Variants in PIAS1 observed in about 807,000 individuals in gnomAD.
PIAS1 encodes the protein protein inhibitor of activated STAT 1, also known as E3 SUMO-protein ligase PIAS1.
Under a neutral mutation model 71.3 loss-of-function variants are expected in PIAS1, and 6 were observed. The ratio of observed to expected loss-of-function variants is 0.08; its 90% CI spans 0.05 to 0.17. The LOEUF (loss-of-function observed/expected upper bound fraction) is 0.17, where lower values mean the gene tolerates loss of function less well. PIAS1 is among the 10% of genes least tolerant of loss of function. PIAS1 has a pLI of 1.00. For missense variants in PIAS1, 555 were observed against 793.6 expected, an observed-to-expected ratio of 0.70 and a Z score of 3.61; for synonymous variants, 303 against 292.9, an observed-to-expected ratio of 1.03 and a Z score of -0.35.
At chr15:68,102,249 T>C (rs770872360) in intron 2 of PIAS1, among the ~76,000 whole-genome samples, 11 of 152,232 alleles carry the variant, frequency 7.2e-5, no homozygotes, top group Non-Finnish European at 1.5e-4. Context: ...TTTGCATCTT[T>C]ATCAACAATC....
chr15:68,141,811 G>A, intron 2 of PIAS1, 135 bp from the exon 3 acceptor site: 1 of 574,474 alleles, frequency 1.7e-6, no homozygotes, highest in Non-Finnish European at 3.1e-6. Flanking sequence ...TTATTTTTCA[G>A]TGCTTTAATT....
chr15:68,119,658 G>A (rs1159511050), intron 2 of PIAS1, among the ~76,000 whole-genome samples: 1 of 152,182 alleles, frequency 6.6e-6, no homozygotes, highest in Non-Finnish European at 1.5e-5. Context: ...GTTGAGTGGA[G>A]TGTTCTATAA....
Position 68,167,245 on chromosome 15 carries a change from A to G in PIAS1, c.1008+2441A>G, listed in dbSNP as rs2092963469. ...TAAAATGTATAATTATAATACTTTCATGGGTTTCTATTTGGCTAAAGGGAT... is the reference window on the plus strand; with the variant it reads ...TAAAATGTATAATTATAATACTTTCGTGGGTTTCTATTTGGCTAAAGGGAT... On this transcript the variant is annotated intron_variant, in intron 8 of 13. Coordinates refer to ENST00000249636, the MANE Select transcript of PIAS1 (RefSeq NM_016166.3). This position sits in a 1 kb window ranked among gnomAD's most constrained non-coding sequence, Gnocchi z 4.4. Among the ~76,000 whole-genome samples, 1 of 152,036 alleles carries G rather than the reference A, an allele frequency of 6.6e-6. No homozygotes were observed. Among genetic ancestry groups the G allele is most frequent in the Non-Finnish European group, 1.5e-5 (1 of 68,006 alleles).
chr15:68,115,228 G>C (rs936940952), intron 2 of PIAS1, among the ~76,000 whole-genome samples: 3 of 152,104 alleles, frequency 2.0e-5, no homozygotes, highest in African/African-American at 7.2e-5. Context: ...TATGTTTTCA[G>C]CTCCTTTAGG....
At chr15:68,131,108 T>A (rs1471787999) in intron 2 of PIAS1, among the ~76,000 whole-genome samples, 1 of 152,176 alleles carries the variant, frequency 6.6e-6, no homozygotes, top group African/African-American at 2.4e-5. Context: ...ACTCCAAGAA[T>A]CCATTAGCTT....
chr15:68,127,065 G>T (rs975960779), intron 2 of PIAS1, among the ~76,000 whole-genome samples: 13 of 152,114 alleles, frequency 8.5e-5, no homozygotes, highest in African/African-American at 2.4e-4. Context: ...CGAGTAGCTG[G>T]GACTACAGGC....
At position 68,080,046 on chromosome 15, in the gene PIAS1, G is replaced by A. The variant is rs572505880; in HGVS notation, c.25-6260G>A. ...GGGGTTTCACCATGTTGGTCAGGCT[G>A]GTCTCAAACTCCTGACCTCAAGTGG... On this transcript the variant is annotated intron_variant, in intron 1 of 13. Coordinates refer to ENST00000249636, the MANE Select transcript of PIAS1 (RefSeq NM_016166.3). 5.3e-5 allele frequency among the ~76,000 whole-genome samples: 8 copies of A among 152,128 alleles called. No individual in the cohort carries two copies. In the East Asian group the frequency reaches 1.5e-3, roughly 29 times the overall value.
chr15:68,062,309 G>A (rs2091968558), intron 1 of PIAS1, among the ~76,000 whole-genome samples: 1 of 152,142 alleles, frequency 6.6e-6, no homozygotes, highest in African/African-American at 2.4e-5. Flanking sequence ...AATCATTTTG[G>A]TGTATATCTG....
rs977154635 is a variant in PIAS1, at chr15:68,185,545, C to T, written c.1662+1878C>T. On this transcript the variant is annotated intron_variant, in intron 13 of 13. Transcript: ENST00000249636. This position sits in a 1 kb window ranked among gnomAD's most constrained non-coding sequence, Gnocchi z 4.4. ...TTGGAACTGGAACAGGAACACGCAG[C>T]TGAAGAAGGTGCAAGAGAAAAGGAA... Among the ~76,000 whole-genome samples, 22 of 152,138 alleles carry T rather than the reference C, an allele frequency of 1.4e-4. No homozygotes were observed. The highest frequency in any genetic ancestry group is 5.3e-4 in the African/African-American group (22 of 41,416).
At chr15:68,074,767 T>G (rs1281976389) in intron 1 of PIAS1, among the ~76,000 whole-genome samples, 2 of 152,156 alleles carry the variant, frequency 1.3e-5, no homozygotes, top group Admixed American at 1.3e-4. Context: ...GAGTAAGTTG[T>G]AGATAGATAA....
At chr15:68,183,754 G>GC (rs2093070499) in intron 13 of PIAS1, 87 bp downstream of exon 13, 1 of 598,610 alleles carries the variant, frequency 1.7e-6, no homozygotes, top group African/African-American at 1.9e-5. Context: ...TCAATGACAG[G>GC]CCATATATGC....
At chr15:68,132,035 T>TAAAAA (rs35523127) in intron 2 of PIAS1, among the ~76,000 whole-genome samples, 1 of 118,620 alleles carries the variant, frequency 8.4e-6, no homozygotes. Flanking sequence ...AAACCTCCTC[T>TAAAAA]AAAAAAAAAA....
Position 68,080,323 on chromosome 15 carries a change from A to C in PIAS1, c.25-5983A>C, listed in dbSNP as rs1361354306. Among the ~76,000 whole-genome samples, 3 of 152,186 alleles carry C rather than the reference A, an allele frequency of 2.0e-5. No individual in the cohort carries two copies. In the East Asian group the frequency reaches 5.8e-4, roughly 29 times the overall value. ...AGAATGGGATCTCTATTTATGTATA[A>C]TTGCAATATTTTGTCATTTTGTGGG... On this transcript the variant is annotated intron_variant, in intron 1 of 13. Transcript: ENST00000249636.
chr15:68,130,811 A>T (rs1163792958), intron 2 of PIAS1, among the ~76,000 whole-genome samples: 2 of 152,174 alleles, frequency 1.3e-5, no homozygotes, highest in African/African-American at 4.8e-5. Flanking sequence ...TAAAACCTTG[A>T]TAGAGATATA....
intron 2 of PIAS1, among the ~76,000 whole-genome samples, chr15:68,133,299 A>T (rs1448465986): frequency 6.6e-6 from 1 of 152,176 alleles, no homozygotes; most frequent in Admixed American, 6.5e-5. Flanking sequence ...CAGGTGCAAT[A>T]GTCCAAGACA....
chr15:68,146,649 C>T lies in PIAS1; in HGVS notation c.777C>T (p.Ser259=), dbSNP rs369343686. The part of the protein sequence containing the change: ...PINITSLVRL[S]TTVPNTIVVS... ...ATATCACCTCACTTGTCCGACTGTC[C>T]ACAACAGTACCAAACACGATTGTTG... The change falls in exon 6 of 14, where the codon TCC becomes TCT. Residue 259 remains serine (S), a synonymous_variant. Transcript: ENST00000249636. 18 of 1,612,902 alleles carry T rather than the reference C, an allele frequency of 1.1e-5. No individual in the cohort carries two copies. Among genetic ancestry groups the T allele is most frequent in the Non-Finnish European group, 1.4e-5 (17 of 1,179,172 alleles).
intron 2 of PIAS1, among the ~76,000 whole-genome samples, chr15:68,106,336 T>C (rs1489877101): frequency 2.9e-5 from 3 of 102,852 alleles, no homozygotes; most frequent in Non-Finnish European, 5.4e-5. Context: ...GTGCTCATGA[T>C]GAAAATGACC....
In PIAS1 at chr15:68,175,811, T is replaced by C. The variant is rs538245781; in HGVS notation, c.1300+44T>C. On this transcript the variant is annotated intron_variant, in intron 10 of 13. Transcript: ENST00000249636. The stretch of plus-strand genomic sequence containing the variant: ...GGAAGAGGCAGTCTCCCTACTGCTC[T>C]AAGTCTGGTTTTCAATATTAAAATC... The C allele has an allele frequency of 2.9e-6, 4 of 1,391,942 alleles. No homozygotes were observed. The African/African-American group carries it at 5.8e-5, about 20-fold the overall frequency. 86.2% of individuals were successfully genotyped at this position (1,391,942 alleles called of 1,614,324 possible). A position where few individuals can be genotyped will look rare whatever the true frequency, so the allele number is the denominator to read the frequency against.
chr15:68,166,118 T>G (rs910528460), intron 8 of PIAS1, among the ~76,000 whole-genome samples: 1 of 152,160 alleles, frequency 6.6e-6, no homozygotes, highest in African/African-American at 2.4e-5. Context: ...TACAATGAAG[T>G]TAATTAAAAT....
Sources: gnomAD v4.1 joint callset for allele counts (sites outside exome capture counted in the v4.1 genomes callset) on GRCh38, gnomAD v4.1.1 for gene constraint, Gnocchi (gnomAD v3.1) non-coding constraint, MANE v1.5 for transcripts, NCBI Gene and HGNC (gene_info 2026-07-23, HGNC 2026-07-21) for gene names.